Variants in ILKAP observed in about 807,000 individuals in gnomAD.
ILKAP encodes ILK associated serine/threonine phosphatase, also known as integrin-linked kinase-associated serine/threonine phosphatase 2C.
A neutral mutation model predicts 49.1 loss-of-function variants in ILKAP; 11 were observed. The observed-to-expected ratio is 0.22, with a 90% CI of 0.14 to 0.37. The LOEUF (loss-of-function observed/expected upper bound fraction) is 0.37. Among genes scored for constraint, ILKAP ranks in the 10% least tolerant of loss-of-function variants. The pLI is 1.00. For synonymous variants in ILKAP, 186 were observed against 192.8 expected (o/e 0.96, Z 0.29); for missense variants, 363 against 510.8 (o/e 0.71, Z 2.79).
intron 6 of ILKAP, among the ~76,000 whole-genome samples, 159 bp downstream of exon 6, chr2:238,185,022 T>C (rs1325899738): frequency 6.6e-6 from 1 of 152,176 alleles, no homozygotes; most frequent in African/African-American, 2.4e-5. Flanking sequence ...GCATGGCCGC[T>C]ACTCCTGGAA....
chr2:238,170,412 AAAG>A lies in ILKAP; in HGVS notation c.*121_*123del. On this transcript the variant is annotated 3_prime_UTR_variant, in exon 12 of 12. Coordinates refer to ENST00000254654, the MANE Select transcript of ILKAP (RefSeq NM_030768.3). ...AATAACTCAAAAGACTAGGAAAAAAAAAGAGAAACCTTTATTTACAACCATGGG... is the reference window on the plus strand; with the variant it reads ...AATAACTCAAAAGACTAGGAAAAAAAAGAAACCTTTATTTACAACCATGGG... 8.8e-7 allele frequency: 1 copy of A among 1,130,564 alleles called. No individual in the cohort carries two copies. The allele number at this position is 1,130,564 out of a possible 1,614,324, so 70.0% of individuals were successfully genotyped here.
intron 1 of ILKAP, among the ~76,000 whole-genome samples, chr2:238,201,185 T>TGG (rs1425918408): frequency 4.6e-5 from 7 of 152,188 alleles, no homozygotes; most frequent in African/African-American, 1.7e-4. Context: ...AAGTATGTTT[T>TGG]TTTTTTTTAA....
At chr2:238,194,941 A>C in intron 1 of ILKAP, 71 bp from the exon 2 acceptor site, 65 of 1,247,520 alleles carry the variant, frequency 5.2e-5, no homozygotes, top group Non-Finnish European at 7.0e-5. Context: ...GAGGAAGATC[A>C]TGTGGTCTCC....
intron 9 of ILKAP, among the ~76,000 whole-genome samples, chr2:238,176,157 A>T (rs1693446842): frequency 1.5e-5 from 1 of 65,094 alleles, no homozygotes; most frequent in African/African-American, 6.8e-5. Flanking sequence ...TTTTTGAGAC[A>T]GAGTCTCACT....
Position 238,170,692 on chromosome 2 carries a change from G to A in ILKAP, c.1039-16C>T. 1.3e-6 allele frequency: 2 copies of A among 1,593,724 alleles called. No homozygotes were observed. The highest frequency in any genetic ancestry group is 2.2e-5 in the East Asian group (1 of 44,456). On this transcript the variant is annotated splice_polypyrimidine_tract_variant and intron_variant, in intron 11 of 11. Coordinates refer to ENST00000254654, the MANE Select transcript of ILKAP (RefSeq NM_030768.3). ...TCTTTTCATCCTACCAGATGAGAAAGGGAATGAGTGAATGGAGTGACCCCG... is the reference window on the plus strand; with the variant it reads ...TCTTTTCATCCTACCAGATGAGAAAAGGAATGAGTGAATGGAGTGACCCCG...
intron 1 of ILKAP, 105 bp from the exon 2 acceptor site, chr2:238,194,975 T>A: frequency 1.1e-6 from 1 of 882,692 alleles, no homozygotes; most frequent in Non-Finnish European, 1.8e-6. Context: ...AAGTTTGCTA[T>A]TAGATTCTAA....
chr2:238,183,186 G>A (rs924066478), intron 8 of ILKAP, among the ~76,000 whole-genome samples: 11 of 152,098 alleles, frequency 7.2e-5, no homozygotes, highest in African/African-American at 1.4e-4. Flanking sequence ...GACCGGGCTC[G>A]GGTGATGAAT....
chr2:238,192,267 C>T (rs576101356), intron 3 of ILKAP, among the ~76,000 whole-genome samples: 1 of 151,552 alleles, frequency 6.6e-6, no homozygotes, highest in South Asian at 2.1e-4. Flanking sequence ...AATAAAGACA[C>T]CTTACAGGTT....
intron 3 of ILKAP, among the ~76,000 whole-genome samples, chr2:238,190,613 T>A (rs1027399598): frequency 2.0e-5 from 3 of 152,176 alleles, no homozygotes; most frequent in East Asian, 3.9e-4. Context: ...AATACTGTCA[T>A]CTCAGAGGGA....
At chr2:238,199,910 C>T (rs1694499941) in intron 1 of ILKAP, among the ~76,000 whole-genome samples, 1 of 152,100 alleles carries the variant, frequency 6.6e-6, no homozygotes, top group African/African-American at 2.4e-5. Flanking sequence ...CCATCGAGCC[C>T]AGCCTCCAAT....
Position 238,203,588 on chromosome 2 carries a change from A to G in ILKAP, c.-35T>C. On this transcript the variant is annotated 5_prime_UTR_variant, in exon 1 of 12. Transcript: ENST00000254654. Reference sequence around the variant, plus strand: ...TGGGTGGAGGCGGCAGCAGCGACAGACACTCAGCCCGCGAGCAGCGGCCGG... The same window carrying G: ...TGGGTGGAGGCGGCAGCAGCGACAGGCACTCAGCCCGCGAGCAGCGGCCGG... The G allele has an allele frequency of 8.8e-7, 1 of 1,130,656 alleles. No homozygotes were observed. Among genetic ancestry groups the G allele is most frequent in the Non-Finnish European group, 1.1e-6 (1 of 919,154 alleles). The allele number at this position is 1,130,656 out of a possible 1,614,324, so 70.0% of individuals were successfully genotyped here.
intron 8 of ILKAP, among the ~76,000 whole-genome samples, chr2:238,182,595 G>A (rs993780632): frequency 3.3e-5 from 5 of 152,200 alleles, no homozygotes; most frequent in African/African-American, 9.6e-5. Flanking sequence ...CATGCTGGCC[G>A]AGTGCCAGGT....
chr2:238,170,800 A>G, intron 11 of ILKAP, 124 bp from the exon 12 acceptor site: 1 of 1,479,366 alleles, frequency 6.8e-7, no homozygotes, highest in African/African-American at 1.4e-5. Flanking sequence ...CAAACTGACC[A>G]GTGAGTCAGT....
intron 1 of ILKAP, among the ~76,000 whole-genome samples, chr2:238,202,470 A>C (rs1694609191): frequency 6.6e-6 from 1 of 152,150 alleles, no homozygotes; most frequent in African/African-American, 2.4e-5. Flanking sequence ...CGTCTACCCT[A>C]CAACAGCAGC....
Position 238,190,100 on chromosome 2 carries a change from A to G in ILKAP, c.179-128T>C, listed in dbSNP as rs1694060615. 3.3e-6 allele frequency: 3 copies of G among 915,260 alleles called. No individual in the cohort carries two copies. In the South Asian group the frequency reaches 5.7e-5, roughly 18 times the overall value. 56.7% of individuals were successfully genotyped at this position (915,260 alleles called of 1,614,324 possible). On this transcript the variant is annotated intron_variant, in intron 3 of 11. Coordinates refer to ENST00000254654, the MANE Select transcript of ILKAP (RefSeq NM_030768.3). ...GAAGCAAGGACTGGCAGACACAGGC[A>G]GACCCAGGAGTTGTGTCTTCATGGT...
At position 238,182,481 on chromosome 2, in the gene ILKAP, AG is replaced by A. The variant is rs564478252; in HGVS notation, c.715-296del. Among the ~76,000 whole-genome samples the A allele has an allele frequency of 2.6e-5, 4 of 152,346 alleles. No individual in the cohort carries two copies. In the East Asian group the frequency reaches 7.7e-4, roughly 29 times the overall value. ...GCTGTTGTCACATTTGTGACATGAA[AG>A]GAAGCACTCAACAAGTATCAAGGTC... On this transcript the variant is annotated intron_variant, in intron 8 of 11. Coordinates refer to ENST00000254654, the MANE Select transcript of ILKAP (RefSeq NM_030768.3).
In ILKAP at chr2:238,170,966, T is replaced by C; in HGVS notation, c.1015A>G (p.Asn339Asp). 6.2e-7 allele frequency: 1 copy of C among 1,613,960 alleles called. No individual in the cohort carries two copies. Among genetic ancestry groups the C allele is most frequent in the South Asian group, 1.1e-5 (1 of 91,072 alleles). The change falls in exon 11 of 12, where the codon AAC (asparagine) becomes GAC (aspartate). Residue 339 changes from asparagine to aspartate, a missense_variant. Around this residue, in one of 3 missense-constraint regions of ILKAP, gnomAD observed 83 missense variants for 87.5 expected, o/e 0.95. Transcript: ENST00000254654. ...FKVFTPEEAV[N>D]FILSCLEDEK... is the part of the protein sequence containing the mutation. ...ACCTCGAGACAGGACAAGATGAAGT[T>C]CACGGCTTCTTCTGGGGTAAAGACC... is the stretch of plus-strand genomic sequence containing the variant.
intron 3 of ILKAP, among the ~76,000 whole-genome samples, chr2:238,193,798 G>A (rs1443751971): frequency 6.6e-6 from 1 of 152,156 alleles, no homozygotes; most frequent in Non-Finnish European, 1.5e-5. Context: ...CTCTACCTAA[G>A]AAGTTCTCAT....
intron 3 of ILKAP, among the ~76,000 whole-genome samples, chr2:238,190,905 A>C (rs917956817): frequency 7.4e-6 from 1 of 134,722 alleles, no homozygotes; most frequent in African/African-American, 2.7e-5. Flanking sequence ...AAAAAAAAAA[A>C]GGATGCAAGT....
Sources: allele counts gnomAD v4.1 joint callset (sites outside exome capture counted in the v4.1 genomes callset), GRCh38; gene constraint gnomAD v4.1.1; regional missense constraint gnomAD v4.1.1; transcripts MANE v1.5; gene names NCBI Gene and HGNC (gene_info 2026-07-23, HGNC 2026-07-21).